Variants in GBE1 observed in about 807,000 individuals in gnomAD.
GBE1 encodes 1,4-alpha-glucan-branching enzyme.
Under a neutral mutation model 88.8 loss-of-function variants are expected in GBE1, and 70 were observed. The ratio of observed to expected loss-of-function variants is 0.79; its 90% CI spans 0.65 to 0.96. The LOEUF is 0.96. Ranked by LOEUF, GBE1 falls within the 40% of genes least tolerant of loss-of-function variation. The pLI, the probability that GBE1 is intolerant of heterozygous loss-of-function variation, is 0.00. For synonymous variants in GBE1, 284 were observed against 300.1 expected (o/e 0.95, Z 0.56); for missense variants, 872 against 871.0 (o/e 1.00, Z -0.01).
At chr3:81,603,401 T>C (rs1284891883) in intron 7 of GBE1, among the ~76,000 whole-genome samples, 1 of 152,160 alleles carries the variant, frequency 6.6e-6, no homozygotes, top group East Asian at 1.9e-4. Context: ...GAAAAATCAG[T>C]ATATAAACAG....
At chr3:81,505,402 C>G (rs1234252805) in intron 14 of GBE1, among the ~76,000 whole-genome samples, 1 of 152,144 alleles carries the variant, frequency 6.6e-6, no homozygotes, top group Non-Finnish European at 1.5e-5. Context: ...TTTTAGTAGT[C>G]TGAAGAGATC....
chr3:81,597,482 AATATATAT>A (rs60557493), intron 7 of GBE1, among the ~76,000 whole-genome samples: 2 of 137,792 alleles, frequency 1.5e-5, no homozygotes, highest in South Asian at 2.3e-4. Context: ...TATATCTCAA[AATATATAT>A]ATATATATAT....
intron 12 of GBE1, among the ~76,000 whole-genome samples, chr3:81,555,603 T>A (rs1195126360): frequency 6.6e-6 from 1 of 152,332 alleles, no homozygotes; most frequent in Non-Finnish European, 1.5e-5. Context: ...CTATCTTTTG[T>A]ACTTCATCTC....
chr3:81,645,964 T>C (rs1704758147), intron 6 of GBE1, among the ~76,000 whole-genome samples: 1 of 152,184 alleles, frequency 6.6e-6, no homozygotes, highest in Non-Finnish European at 1.5e-5. Flanking sequence ...AATTATTCCA[T>C]CCATTTCAGT....
At chr3:81,497,656 C>T (rs1416281194) in intron 15 of GBE1, among the ~76,000 whole-genome samples, 1 of 152,148 alleles carries the variant, frequency 6.6e-6, no homozygotes, top group African/African-American at 2.4e-5. Context: ...GGTACACGGA[C>T]ATTTAGAAAA....
At chr3:81,578,608 T>G (rs116654008) in intron 11 of GBE1, among the ~76,000 whole-genome samples, 2,421 of 151,924 alleles carry the variant, frequency 0.016, 15 homozygotes, top group Non-Finnish European at 0.023. Flanking sequence ...GAAAATAAGT[T>G]GAGAACATTT....
chr3:81,596,535 A>G (rs1703959219), intron 7 of GBE1, among the ~76,000 whole-genome samples: 1 of 151,992 alleles, frequency 6.6e-6, no homozygotes, highest in South Asian at 2.1e-4. Flanking sequence ...CCTTTGTTGC[A>G]TAAGAAAAAA....
chr3:81,680,264 C>G (rs921363924), intron 2 of GBE1, among the ~76,000 whole-genome samples: 1 of 152,032 alleles, frequency 6.6e-6, no homozygotes, highest in South Asian at 2.1e-4. Flanking sequence ...GAGGCCGAGG[C>G]GGGTGGATCA....
Position 81,536,977 on chromosome 3 carries a change from G to A in GBE1, c.1737C>T (p.Phe579=). Residue 579 remains phenylalanine, a synonymous_variant, in exon 13 of 16, where the codon TTC becomes TTT. Coordinates refer to ENST00000429644, the MANE Select transcript of GBE1 (RefSeq NM_000158.4). ...LTDDDLLRYK[F]LNNFDRDMNR... ...TCATATCCCTGTCAAAATTATTTAG[G>A]AACTTGTAGCGAAGAAGGTCGTCGT... 1 of 1,591,204 alleles carries A rather than the reference G, an allele frequency of 6.3e-7. No homozygotes were observed. Among genetic ancestry groups the A allele is most frequent in the Non-Finnish European group, 8.5e-7 (1 of 1,170,128 alleles).
intron 2 of GBE1, among the ~76,000 whole-genome samples, chr3:81,674,809 G>T (rs1705231154): frequency 6.6e-6 from 1 of 151,868 alleles, no homozygotes; most frequent in African/African-American, 2.4e-5. Context: ...ACATGAGAGA[G>T]AATTAATTAT....
At chr3:81,492,160 T>A (rs572128794) in intron 15 of GBE1, among the ~76,000 whole-genome samples, 1 of 152,344 alleles carries the variant, frequency 6.6e-6, no homozygotes, top group Admixed American at 6.5e-5. Flanking sequence ...AAATATTACA[T>A]CCATGTAGTC....
At chr3:81,750,536 TAC>T (rs200061335) in intron 1 of GBE1, among the ~76,000 whole-genome samples, 2,421 of 76,312 alleles carry the variant, frequency 0.032, 239 homozygotes, top group East Asian at 0.26. Flanking sequence ...TATATATATA[TAC>T]GTATATATAT....
At chr3:81,556,743 T>G (rs1703354545) in intron 12 of GBE1, among the ~76,000 whole-genome samples, 1 of 152,104 alleles carries the variant, frequency 6.6e-6, no homozygotes, top group Non-Finnish European at 1.5e-5. Flanking sequence ...TTACGCTTTC[T>G]AATAATTCTC....
rs377226997 is a variant in GBE1 at position 81,566,486 on chromosome 3, A to G, written c.1618+11439T>C. 2.0e-4 allele frequency among the ~76,000 whole-genome samples: 30 copies of G among 152,176 alleles called. No homozygotes were observed. In the East Asian group the frequency reaches 5.2e-3, roughly 26 times the overall value. On this transcript the variant is annotated intron_variant, in intron 12 of 15. Transcript: ENST00000429644. Reference sequence around the variant, plus strand: ...GACAAAACTACAATCCTTGATCAACACTAGCCCTCTAGGAAAAAAGGCACA... The same window carrying G: ...GACAAAACTACAATCCTTGATCAACGCTAGCCCTCTAGGAAAAAAGGCACA...
intron 7 of GBE1, among the ~76,000 whole-genome samples, chr3:81,626,035 A>G (rs1226955984): frequency 6.6e-6 from 1 of 152,322 alleles, no homozygotes; most frequent in African/African-American, 2.4e-5. Context: ...TTGTAAATAA[A>G]TAGTACTACA....
intron 1 of GBE1, among the ~76,000 whole-genome samples, chr3:81,750,602 T>TATATATATAC (rs1559708627): frequency 4.5e-4 from 13 of 28,988 alleles, no homozygotes; most frequent in African/African-American, 1.9e-3. Context: ...TATATATATG[T>TATATATATAC]GTATATATAT....
At chr3:81,518,394 T>C (rs1702826836) in intron 14 of GBE1, among the ~76,000 whole-genome samples, 1 of 151,526 alleles carries the variant, frequency 6.6e-6, no homozygotes, top group Admixed American at 6.6e-5. Context: ...TACATTCGTG[T>C]GCAGTAAGGA....
intron 7 of GBE1, among the ~76,000 whole-genome samples, chr3:81,599,078 A>C (rs961099848): frequency 4.6e-5 from 7 of 152,142 alleles, no homozygotes; most frequent in Admixed American, 1.3e-4. Context: ...ATTATATGTA[A>C]TTCCAATCAG....
chr3:81,624,614 C>G (rs1046903837), intron 7 of GBE1, among the ~76,000 whole-genome samples: 1 of 151,856 alleles, frequency 6.6e-6, no homozygotes, highest in African/African-American at 2.4e-5. Context: ...TATGATCAAC[C>G]GGTATAAACT....
Sources: gnomAD v4.1 joint callset for allele counts (sites outside exome capture counted in the v4.1 genomes callset) on GRCh38, gnomAD v4.1.1 for gene constraint, MANE v1.5 for transcripts, NCBI Gene and HGNC (gene_info 2026-07-23, HGNC 2026-07-21) for gene names.